The following CNTNAP2 variants were observed in gnomAD, a reference collection of about 807,000 sequenced individuals.
CNTNAP2 encodes contactin-associated protein-like 2.
Under a neutral mutation model 155.2 loss-of-function variants are expected in CNTNAP2, and 98 were observed. The ratio of observed to expected loss-of-function variants is 0.63; its 90% CI spans 0.54 to 0.75. CNTNAP2 has a LOEUF of 0.75. CNTNAP2 is among the 30% of genes least tolerant of loss of function. The probability of loss-of-function intolerance (pLI) is 0.00; values close to 1 mark genes in which losing one functional copy is unlikely to be tolerated. For missense variants in CNTNAP2, 1,727 were observed against 1,688.1 expected (o/e 1.02, Z -0.40); for synonymous variants, 651 against 631.2 (o/e 1.03, Z -0.47).
chr7:147,866,688 T>G (rs1044173310), intron 13 of CNTNAP2, among the ~76,000 whole-genome samples: 3 of 152,178 alleles, frequency 2.0e-5, no homozygotes, highest in African/African-American at 7.2e-5. Context: ...TGGCCTTCTT[T>G]GCCTCTTTTG....
At chr7:146,938,633 A>G (rs1051340282) in intron 3 of CNTNAP2, among the ~76,000 whole-genome samples, 3 of 151,906 alleles carry the variant, frequency 2.0e-5, no homozygotes, top group African/African-American at 7.2e-5. Context: ...TTAGGGTATT[A>G]TGTTTATAAT....
intron 14 of CNTNAP2, among the ~76,000 whole-genome samples, chr7:147,943,133 C>T (rs1800756213): frequency 6.6e-6 from 1 of 152,062 alleles, no homozygotes; most frequent in Admixed American, 6.6e-5. Context: ...TTATGGCAAC[C>T]AGAAGTATAT....
chr7:146,883,968 T>G (rs2129209933), intron 3 of CNTNAP2, among the ~76,000 whole-genome samples: 1 of 152,242 alleles, frequency 6.6e-6, no homozygotes, highest in Non-Finnish European at 1.5e-5. Context: ...ATGACCTATC[T>G]TGGTTACTAT....
At chr7:147,792,266 A>G (rs1584957378) in intron 13 of CNTNAP2, among the ~76,000 whole-genome samples, 1 of 152,208 alleles carries the variant, frequency 6.6e-6, no homozygotes, top group African/African-American at 2.4e-5. Context: ...GTGTTGTGCA[A>G]CTATCACCAC....
chr7:147,909,964 G>A (rs754360394), intron 14 of CNTNAP2, among the ~76,000 whole-genome samples: 37 of 152,064 alleles, frequency 2.4e-4, no homozygotes, highest in Non-Finnish European at 3.8e-4. Context: ...GCTCTCTTTC[G>A]CTGACCCTAA....
intron 8 of CNTNAP2, among the ~76,000 whole-genome samples, chr7:147,194,090 C>T (rs1252573644): frequency 6.6e-6 from 1 of 151,324 alleles, no homozygotes; most frequent in East Asian, 2.0e-4. Flanking sequence ...TGACCCCCCA[C>T]CCCCCAACAG....
intron 15 of CNTNAP2, among the ~76,000 whole-genome samples, chr7:148,050,003 A>C (rs1325024093): frequency 6.6e-6 from 1 of 152,088 alleles, no homozygotes; most frequent in African/African-American, 2.4e-5. Flanking sequence ...TCTCCATGAA[A>C]AATACAAAAA....
At chr7:146,485,574 A>G (rs1797042955) in intron 1 of CNTNAP2, among the ~76,000 whole-genome samples, 1 of 152,160 alleles carries the variant, frequency 6.6e-6, no homozygotes, top group Non-Finnish European at 1.5e-5. Flanking sequence ...TACTTTTTTG[A>G]AAGATGCAAT....
chr7:146,864,181 ATATT>A (rs1330758311), intron 3 of CNTNAP2, among the ~76,000 whole-genome samples: 5 of 152,092 alleles, frequency 3.3e-5, no homozygotes, highest in African/African-American at 1.2e-4. Flanking sequence ...TTAGAGATCT[ATATT>A]TATAATGAAT....
At chr7:147,672,801 A>T (rs889268366) in intron 13 of CNTNAP2, 2 of 152,000 alleles carry the variant, frequency 1.3e-5, no homozygotes, top group Non-Finnish European at 2.9e-5. Flanking sequence ...GACGATTCTT[A>T]GTTGCACTGA....
At chr7:148,101,813 G>A (rs570656707) in intron 15 of CNTNAP2, among the ~76,000 whole-genome samples, 48 of 152,216 alleles carry the variant, frequency 3.2e-4, no homozygotes, top group African/African-American at 1.1e-3. Flanking sequence ...GTAACCCACA[G>A]CACCATGCTA....
At chr7:146,173,148 G>A (rs2116823372) in intron 1 of CNTNAP2, among the ~76,000 whole-genome samples, 1 of 152,114 alleles carries the variant, frequency 6.6e-6, no homozygotes, top group East Asian at 1.9e-4. Flanking sequence ...AAAAAAACTG[G>A]CATTTTTAGT....
chr7:148,351,025 G>A (rs780016198), intron 21 of CNTNAP2, among the ~76,000 whole-genome samples: 20 of 152,212 alleles, frequency 1.3e-4, no homozygotes, highest in African/African-American at 3.1e-4. Flanking sequence ...ACAAGCGAGC[G>A]AGAGAGGTCA....
intron 3 of CNTNAP2, among the ~76,000 whole-genome samples, chr7:146,870,257 T>A (rs1795279749): frequency 6.6e-6 from 1 of 152,018 alleles, no homozygotes; most frequent in African/African-American, 2.4e-5. Flanking sequence ...GATTCAATTT[T>A]GGAGCTCATT....
chr7:147,275,921 A>G lies in CNTNAP2; in HGVS notation c.1349-24220A>G, dbSNP rs139708140. 4.6e-3 allele frequency among the ~76,000 whole-genome samples: 697 copies of G among 151,984 alleles called. 7 individuals carry two copies. The highest frequency in any genetic ancestry group is 0.016 in the African/African-American group (668 of 41,480). On this transcript the variant is annotated intron_variant, in intron 8 of 23. Coordinates refer to ENST00000361727, the MANE Select transcript of CNTNAP2 (RefSeq NM_014141.6). Reference sequence around the variant, plus strand: ...TTTTTCTGCACCTATTGAGTTGATCATATGGGTTTTTTTTTAATTGTTTAT... The same window carrying G: ...TTTTTCTGCACCTATTGAGTTGATCGTATGGGTTTTTTTTTAATTGTTTAT...
At position 147,778,802 on chromosome 7, in the gene CNTNAP2, C is replaced by T. The variant is rs183643547; in HGVS notation, c.2099-124763C>T. Among the ~76,000 whole-genome samples the T allele has an allele frequency of 5.5e-3, 839 of 152,242 alleles. 2 individuals carry two copies. Among genetic ancestry groups the T allele is most frequent in the Non-Finnish European group, 8.2e-3 (561 of 68,022 alleles). The stretch of plus-strand genomic sequence containing the variant: ...CTGGGATTACAGGCCTGAGCCACCG[C>T]GCCCGGCCTGGAAAGAAAGAAATTT... On this transcript the variant is annotated intron_variant, in intron 13 of 23. Transcript: ENST00000361727.
At chr7:147,503,274 G>T (rs1418599629) in intron 11 of CNTNAP2, among the ~76,000 whole-genome samples, 1 of 152,162 alleles carries the variant, frequency 6.6e-6, no homozygotes, top group East Asian at 1.9e-4. Context: ...CGTTCCCTGG[G>T]TGTTTCTGTC....
intron 17 of CNTNAP2, among the ~76,000 whole-genome samples, chr7:148,153,854 T>A (rs975017981): frequency 6.6e-6 from 1 of 152,168 alleles, no homozygotes; most frequent in African/African-American, 2.4e-5. Flanking sequence ...AGCAGGCTGT[T>A]CAGGTCAGGG....
rs1005420492 is a variant in CNTNAP2 at position 147,576,558 on chromosome 7, A to G, written c.1897+14301A>G. ...CTAGAGTCCTCTAATTTAATGACTG[A>G]AAAAGATCTATTTAAGAATCAGGCC... On this transcript the variant is annotated intron_variant, in intron 12 of 23. Transcript: ENST00000361727. 5.3e-5 allele frequency among the ~76,000 whole-genome samples: 8 copies of G among 152,070 alleles called. No individual in the cohort carries two copies. In the East Asian group the frequency reaches 1.3e-3, roughly 26 times the overall value.
Sources: gnomAD v4.1 joint callset for allele counts (sites outside exome capture counted in the v4.1 genomes callset) on GRCh38, gnomAD v4.1.1 for gene constraint, MANE v1.5 for transcripts, NCBI Gene and HGNC (gene_info 2026-07-23, HGNC 2026-07-21) for gene names.